The following SMURF1 variants were observed in gnomAD, a reference collection of about 807,000 sequenced individuals.
SMURF1 encodes SMAD specific E3 ubiquitin protein ligase 1, also known as E3 ubiquitin-protein ligase SMURF1.
A neutral mutation model predicts 98.0 loss-of-function variants in SMURF1; 44 were observed. The ratio of observed to expected loss-of-function variants is 0.45; its 90% confidence interval spans 0.35 to 0.58. The LOEUF is 0.58. SMURF1 is among the 20% of genes least tolerant of loss of function. The probability of loss-of-function intolerance (pLI) is 0.00; values close to 1 mark genes in which losing one functional copy is unlikely to be tolerated. For synonymous variants in SMURF1, 396 were observed against 374.9 expected (o/e 1.06, Z -0.65); for missense variants, 687 against 938.4 (o/e 0.73, Z 3.50).
At chr7:99,066,981 T>C (rs1054914335) in intron 1 of SMURF1, among the ~76,000 whole-genome samples, 3 of 143,498 alleles carry the variant, frequency 2.1e-5, no homozygotes, top group African/African-American at 8.1e-5. Context: ...AATCTCATTG[T>C]ATTTGGATTT....
chr7:99,061,714 AT>A, intron 2 of SMURF1, 84 bp downstream of exon 2: 1 of 1,087,176 alleles, frequency 9.2e-7, no homozygotes, highest in African/African-American at 1.6e-5. Context: ...TTTGAAGAGA[AT>A]ATACCCAATC....
chr7:99,083,328 C>A (rs1352656792), intron 1 of SMURF1, among the ~76,000 whole-genome samples: 1 of 152,096 alleles, frequency 6.6e-6, no homozygotes, highest in Non-Finnish European at 1.5e-5. Context: ...AAAAAAGTTC[C>A]ACATCCTCAG....
In SMURF1 at chr7:99,100,629, T is replaced by C. The variant is rs183581192; in HGVS notation, c.56-38792A>G. On this transcript the variant is annotated intron_variant, in intron 1 of 17. Coordinates refer to ENST00000361368, the MANE Select transcript of SMURF1 (RefSeq NM_181349.3). ...CTCAGCCCAACATCACAGAAATATATATCCAGCTTTCCCAGGAGACTAAAG... is the reference window on the plus strand; with the variant it reads ...CTCAGCCCAACATCACAGAAATATACATCCAGCTTTCCCAGGAGACTAAAG... 3.0e-3 allele frequency among the ~76,000 whole-genome samples: 459 copies of C among 152,316 alleles called. 2 individuals carry two copies. Among genetic ancestry groups the C allele is most frequent in the African/African-American group, 0.011 (440 of 41,562 alleles).
rs186460437 is a variant in SMURF1, at chr7:99,122,091, G to C, written c.55+21635C>G. On this transcript the variant is annotated intron_variant, in intron 1 of 17. Transcript: ENST00000361368. ...CGCCTGTAATCCCAGCACTTTGGGA[G>C]GCTGAGGCTGGTGGATCATCTGAGG... Among the ~76,000 whole-genome samples, 959 of 152,286 alleles carry C rather than the reference G, an allele frequency of 6.3e-3. 1 individual carries two copies. The highest frequency in any genetic ancestry group is 9.0e-3 in the Non-Finnish European group (612 of 68,010).
intron 16 of SMURF1, among the ~76,000 whole-genome samples, chr7:99,033,430 G>A (rs562176138): frequency 2.0e-5 from 3 of 152,280 alleles, no homozygotes; most frequent in Non-Finnish European, 4.4e-5. Flanking sequence ...CCTGCCTCCC[G>A]AGTAGCTGGG....
At chr7:99,032,632 G>A (rs1794950531) in intron 17 of SMURF1, among the ~76,000 whole-genome samples, 1 of 152,226 alleles carries the variant, frequency 6.6e-6, no homozygotes, top group Non-Finnish European at 1.5e-5. Flanking sequence ...TCGTGCCACT[G>A]CACTCCATCC....
Position 99,063,238 on chromosome 7 carries a change from T to TATATATATATATATATATATATATAAG in SMURF1, c.56-1402_56-1401insCTTATATATATATATATATATATATAT, listed in dbSNP as rs1491463254. Among the ~76,000 whole-genome samples the TATATATATATATATATATATATATAAG allele has an allele frequency of 9.3e-3, 47 of 5,038 alleles. 3 individuals carry two copies. The highest frequency in any genetic ancestry group is 0.086 in the East Asian group (6 of 70). The allele number at this position is 5,038 out of a possible 152,430, so 3.3% of individuals were successfully genotyped here. On this transcript the variant is annotated intron_variant, in intron 1 of 17. Coordinates refer to ENST00000361368, the MANE Select transcript of SMURF1 (RefSeq NM_181349.3). ...AAGATATATATATATATATAAGATT[T>TATATATATATATATATATATATATAAG]ATTTATATATATATATATATATATA...
chr7:99,136,728 A>G (rs1584220454), intron 1 of SMURF1, among the ~76,000 whole-genome samples: 2 of 152,154 alleles, frequency 1.3e-5, no homozygotes, highest in Admixed American at 6.5e-5. Context: ...AGGCAGGTGG[A>G]TTGCTTGAGC....
In SMURF1 at chr7:99,095,076, T is replaced by TATTTC. The variant is rs1180303061; in HGVS notation, c.56-33240_56-33239insGAAAT. 2.2e-4 allele frequency among the ~76,000 whole-genome samples: 34 copies of TATTTC among 151,890 alleles called. No homozygotes were observed. In the East Asian group the frequency reaches 3.5e-3, roughly 16 times the overall value. The stretch of plus-strand genomic sequence containing the variant: ...GTTGCTGTTTTTGTTTATTTTATTT[T>TATTTC]ATTTTATTTTATTTTACTTTTGAGA... On this transcript the variant is annotated intron_variant, in intron 1 of 17. Coordinates refer to ENST00000361368, the MANE Select transcript of SMURF1 (RefSeq NM_181349.3).
intron 1 of SMURF1, among the ~76,000 whole-genome samples, chr7:99,111,539 C>T (rs2150604788): frequency 6.6e-6 from 1 of 152,224 alleles, no homozygotes; most frequent in South Asian, 2.1e-4. Context: ...TAGAGAACAC[C>T]AAGTCTGTCA....
In SMURF1 at chr7:99,045,943, C is replaced by T. The variant is rs139235361; in HGVS notation, c.1153-142G>A. ...CTGGCTCCTCATCAGAATGTTTCTTCGGCATCTAGTATATTCCATCATCTT... is the reference window on the plus strand; with the variant it reads ...CTGGCTCCTCATCAGAATGTTTCTTTGGCATCTAGTATATTCCATCATCTT... On this transcript the variant is annotated intron_variant, in intron 10 of 17. Coordinates refer to ENST00000361368, the MANE Select transcript of SMURF1 (RefSeq NM_181349.3). The T allele has an allele frequency of 1.8e-4, 119 of 651,204 alleles. No homozygotes were observed. In the Middle Eastern group the frequency reaches 4.6e-3, roughly 25 times the overall value. The allele number at this position is 651,204 out of a possible 1,614,324, so 40.3% of individuals were successfully genotyped here. A position where few individuals can be genotyped will look rare whatever the true frequency, so the allele number is the denominator to read the frequency against.
At chr7:99,034,614 C>T (rs1795057461) in intron 16 of SMURF1, among the ~76,000 whole-genome samples, 1 of 152,082 alleles carries the variant, frequency 6.6e-6, no homozygotes, top group Non-Finnish European at 1.5e-5. Context: ...GTTGGGAGAA[C>T]TGAATGAGAA....
At chr7:99,047,153 G>C (rs1795609724) in intron 10 of SMURF1, among the ~76,000 whole-genome samples, 1 of 152,252 alleles carries the variant, frequency 6.6e-6, no homozygotes, top group Admixed American at 6.5e-5. Context: ...GACAGAGCCT[G>C]TCCCAAGAGC....
intron 15 of SMURF1, chr7:99,036,013 AAG>A (rs1203374198): frequency 2.3e-6 from 1 of 427,744 alleles, no homozygotes; most frequent in African/African-American, 2.0e-5. Context: ...AGGAGTATCA[AAG>A]AACCAACCGG....
chr7:99,107,571 T>G (rs1797220662), intron 1 of SMURF1, among the ~76,000 whole-genome samples: 1 of 152,304 alleles, frequency 6.6e-6, no homozygotes. Context: ...CTAACACAAC[T>G]GACAAATGGG....
chr7:99,037,330 T>G (rs1795184035), intron 14 of SMURF1, 143 bp from the exon 15 acceptor site: 1 of 1,010,604 alleles, frequency 9.9e-7, no homozygotes, highest in Non-Finnish European at 1.5e-6. Context: ...CTCAGCCTCC[T>G]GGGTTCAAGC....
intron 1 of SMURF1, among the ~76,000 whole-genome samples, chr7:99,074,743 T>C (rs1286825441): frequency 6.6e-6 from 1 of 152,122 alleles, no homozygotes; most frequent in South Asian, 2.1e-4. Context: ...AAAAAATTGA[T>C]ATTTGGCTGA....
intron 3 of SMURF1, among the ~76,000 whole-genome samples, chr7:99,057,795 G>A (rs1032841030): frequency 6.6e-5 from 10 of 151,878 alleles, no homozygotes; most frequent in South Asian, 2.1e-4. Context: ...ATGGGGTTTC[G>A]CCATGTGGCC....
intron 1 of SMURF1, among the ~76,000 whole-genome samples, chr7:99,110,728 G>A (rs984657829): frequency 6.6e-6 from 1 of 152,088 alleles, no homozygotes; most frequent in African/African-American, 2.4e-5. Context: ...TGGCAATGTC[G>A]TCCATAGACA....
Sources: gnomAD v4.1 joint callset for allele counts (sites outside exome capture counted in the v4.1 genomes callset) on GRCh38, gnomAD v4.1.1 for gene constraint, MANE v1.5 for transcripts, NCBI Gene and HGNC (gene_info 2026-07-23, HGNC 2026-07-21) for gene names.